Variants in ZNF516 observed in about 807,000 individuals in gnomAD.
The protein encoded by ZNF516 is zinc finger protein 516.
In ZNF516, 19 loss-of-function variants were observed where a neutral mutation model predicts 79.7. The ratio of observed to expected loss-of-function variants is 0.24; its 90% confidence interval spans 0.17 to 0.35. The LOEUF is 0.35. Among genes scored for constraint, ZNF516 ranks in the 10% least tolerant of loss-of-function variants. ZNF516 has a pLI of 1.00. For missense variants in ZNF516, 1,678 were observed against 1,679.5 expected (o/e 1.00, Z 0.02); for synonymous variants, 877 against 739.5 (o/e 1.19, Z -3.02).
intron 1 of ZNF516, among the ~76,000 whole-genome samples, chr18:76,494,125 G>A (rs1460885821): frequency 6.6e-6 from 1 of 152,138 alleles, no homozygotes; most frequent in Non-Finnish European, 1.5e-5. Flanking sequence ...GGGGTCCACT[G>A]GCTTTCCTCA....
Position 76,360,893 on chromosome 18 carries a change from G to A in ZNF516, c.*1605C>T, listed in dbSNP as rs775686917. On this transcript the variant is annotated 3_prime_UTR_variant, in exon 7 of 7. Coordinates refer to ENST00000443185, the MANE Select transcript of ZNF516 (RefSeq NM_014643.4). ...GGTGTGTGTGTGTGTTTGTGTGTGTGTGTGTCTGTGTTTAAACAAGACTTT... is the reference window on the plus strand; with the variant it reads ...GGTGTGTGTGTGTGTTTGTGTGTGTATGTGTCTGTGTTTAAACAAGACTTT... The A allele has an allele frequency of 3.8e-4, 57 of 151,314 alleles. 1 individual carries two copies. The highest frequency in any genetic ancestry group is 1.9e-3 in the Admixed American group (29 of 15,194). The allele number at this position is 151,314 out of a possible 1,614,324, so 9.4% of individuals were successfully genotyped here.
At chr18:76,424,985 G>C (rs1453848014) in intron 3 of ZNF516, among the ~76,000 whole-genome samples, 1 of 148,442 alleles carries the variant, frequency 6.7e-6, no homozygotes, top group Non-Finnish European at 1.5e-5. Flanking sequence ...ACACACGCAG[G>C]TGAAAAGGCT....
chr18:76,456,686 T>C (rs1276629111), intron 2 of ZNF516, among the ~76,000 whole-genome samples: 2 of 127,880 alleles, frequency 1.6e-5, no homozygotes, highest in African/African-American at 3.0e-5. Context: ...ACTCTGCTGC[T>C]GCATCTTTAT....
At position 76,360,632 on chromosome 18, in the gene ZNF516, T is replaced by TAAAAAAAAAA. The variant is rs776977927; in HGVS notation, c.*1856_*1865dup. On this transcript the variant is annotated 3_prime_UTR_variant, in exon 7 of 7. Coordinates refer to ENST00000443185, the MANE Select transcript of ZNF516 (RefSeq NM_014643.4). ...TGTAAGAATATCAGAAAAAAATAAG[T>TAAAAAAAAAA]AAAAAAAAAAAAAAATATATATATA... 1.7e-3 allele frequency: 44 copies of TAAAAAAAAAA among 25,708 alleles called. 1 individual carries two copies. The highest frequency in any genetic ancestry group is 3.9e-3 in the African/African-American group (29 of 7,416). The allele number at this position is 25,708 out of a possible 1,614,324, so 1.6% of individuals were successfully genotyped here.
intron 3 of ZNF516, among the ~76,000 whole-genome samples, chr18:76,384,849 T>C (rs2074959711): frequency 2.0e-5 from 3 of 152,288 alleles, no homozygotes; most frequent in Admixed American, 1.3e-4. Context: ...CCGGGCACTT[T>C]ATTAGAATTG....
intron 3 of ZNF516, among the ~76,000 whole-genome samples, chr18:76,404,479 G>A (rs2075274220): frequency 6.6e-6 from 1 of 151,854 alleles, no homozygotes; most frequent in Non-Finnish European, 1.5e-5. Context: ...TTGTGCATGT[G>A]AGCATGTAAG....
chr18:76,444,804 A>G (rs758992883), intron 2 of ZNF516, among the ~76,000 whole-genome samples: 5 of 152,220 alleles, frequency 3.3e-5, no homozygotes, highest in Non-Finnish European at 5.9e-5. Flanking sequence ...GAGGGCCCAG[A>G]TAACAGCAAG....
chr18:76,399,488 T>G (rs1272655493), intron 3 of ZNF516, among the ~76,000 whole-genome samples: 1 of 152,216 alleles, frequency 6.6e-6, no homozygotes, highest in Non-Finnish European at 1.5e-5. Context: ...TTCAAAAATG[T>G]CCAACCTTGC....
chr18:76,441,613 G>C lies in ZNF516; in HGVS notation c.1442C>G (p.Ala481Gly). 1.3e-6 allele frequency: 2 copies of C among 1,490,646 alleles called. No individual in the cohort carries two copies. Among genetic ancestry groups the C allele is most frequent in the Non-Finnish European group, 1.8e-6 (2 of 1,121,982 alleles). The allele number at this position is 1,490,646 out of a possible 1,614,324, so 92.3% of individuals were successfully genotyped here. The change falls in exon 3 of 7, where the codon GCG (alanine) becomes GGG (glycine). Residue 481 changes from alanine to glycine, a missense_variant. Physicochemically the swap from Ala to Gly is moderately conservative, Grantham distance 60 (BLOSUM62 0). Coordinates refer to ENST00000443185, the MANE Select transcript of ZNF516 (RefSeq NM_014643.4). The part of the protein sequence containing the change: ...PAAQGPPRKR[A>G]SGPGDPAPAG... ...GGGCGCGGGGTCCCCAGGCCCGCTCGCGCGCTTCCGCGGGGGCCCCTGCGC... is the reference window on the plus strand; with the variant it reads ...GGGCGCGGGGTCCCCAGGCCCGCTCCCGCGCTTCCGCGGGGGCCCCTGCGC...
intron 2 of ZNF516, among the ~76,000 whole-genome samples, chr18:76,445,596 G>A (rs971213680): frequency 6.6e-6 from 1 of 152,148 alleles, no homozygotes; most frequent in Admixed American, 6.5e-5. Flanking sequence ...TAGAAAATAC[G>A]TTTACAGGGA....
upstream of ZNF516, chr18:76,496,207 C>T (rs1026136869): frequency 1.7e-6 from 2 of 1,210,110 alleles, no homozygotes; most frequent in African/African-American, 1.6e-5. Context: ...GGGCGAGCGC[C>T]CCTTCACGGC....
At chr18:76,483,756 T>A (rs1914666749) in intron 1 of ZNF516, among the ~76,000 whole-genome samples, 1 of 152,224 alleles carries the variant, frequency 6.6e-6, no homozygotes. Flanking sequence ...AATATGTTAC[T>A]ATTGGTGATA....
chr18:76,471,496 T>C (rs1430099853), intron 1 of ZNF516, among the ~76,000 whole-genome samples: 2 of 152,194 alleles, frequency 1.3e-5, no homozygotes, highest in Non-Finnish European at 2.9e-5. Context: ...ATGTGTCATT[T>C]GTAATGGACA....
At chr18:76,454,858 A>C (rs1350987070) in intron 2 of ZNF516, among the ~76,000 whole-genome samples, 2 of 152,222 alleles carry the variant, frequency 1.3e-5, no homozygotes, top group Non-Finnish European at 2.9e-5. Flanking sequence ...AGTTAAGAAA[A>C]CTTTGCACCT....
intron 3 of ZNF516, among the ~76,000 whole-genome samples, chr18:76,397,507 C>T (rs996594253): frequency 6.6e-6 from 1 of 151,986 alleles, no homozygotes; most frequent in African/African-American, 2.4e-5. Flanking sequence ...TACACGTTTT[C>T]ATTTTAAGTG....
intron 1 of ZNF516, among the ~76,000 whole-genome samples, chr18:76,470,136 G>A (rs935067769): frequency 1.3e-5 from 2 of 152,180 alleles, no homozygotes; most frequent in South Asian, 4.1e-4. Context: ...CTAGATGAGA[G>A]AGCCAGTTTT....
chr18:76,476,473 C>T (rs1339186757), intron 1 of ZNF516, among the ~76,000 whole-genome samples: 1 of 152,046 alleles, frequency 6.6e-6, no homozygotes, highest in East Asian at 1.9e-4. Context: ...CACTTCCCAG[C>T]AAAAAAAGTG....
Position 76,451,150 on chromosome 18 carries a change from T to TG in ZNF516, c.-157-7940dup, listed in dbSNP as rs1266220500. ...ATGTGTCAGGGGAGGGAAGCAAAGC[T>TG]GAAGTGGGTGCTGCTTTCCAAATGC... On this transcript the variant is annotated intron_variant, in intron 2 of 6. Coordinates refer to ENST00000443185, the MANE Select transcript of ZNF516 (RefSeq NM_014643.4). This position sits in a 1 kb window ranked among gnomAD's most constrained non-coding sequence, Gnocchi z 6.0. Among the ~76,000 whole-genome samples the TG allele has an allele frequency of 1.3e-5, 2 of 152,190 alleles. No homozygotes were observed. The highest frequency in any genetic ancestry group is 1.5e-5 in the Non-Finnish European group (1 of 68,034).
chr18:76,360,404 A>G lies in ZNF516; in HGVS notation c.*2094T>C, dbSNP rs908434909. The G allele has an allele frequency of 4.6e-5, 7 of 152,126 alleles. No homozygotes were observed. Among genetic ancestry groups the G allele is most frequent in the Non-Finnish European group, 1.0e-4 (7 of 68,016 alleles). The allele number at this position is 152,126 out of a possible 1,614,324, so 9.4% of individuals were successfully genotyped here. ...AAAACAAAAGCCAGAAAATGCAGAA[A>G]TGATCACTGTGGGGAAACTACTGAA... On this transcript the variant is annotated 3_prime_UTR_variant, in exon 7 of 7. Transcript: ENST00000443185.
Sources: gnomAD v4.1 joint callset for allele counts (sites outside exome capture counted in the v4.1 genomes callset) on GRCh38, gnomAD v4.1.1 for gene constraint, Gnocchi (gnomAD v3.1) non-coding constraint, MANE v1.5 for transcripts, NCBI Gene and HGNC (gene_info 2026-07-23, HGNC 2026-07-21) for gene names.